PKIG: variants seen among roughly 807,000 people sequenced by gnomAD.
The protein encoded by PKIG is cAMP-dependent protein kinase inhibitor gamma.
In PKIG, 1 loss-of-function variant was observed where a neutral mutation model predicts 6.8. The observed-to-expected ratio is 0.15, with a 90% CI of 0.05 to 0.69. The LOEUF (loss-of-function observed/expected upper bound fraction) is 0.69, where lower values mean the gene tolerates loss of function less well. Ranked by LOEUF, PKIG falls within the 30% of genes least tolerant of loss-of-function variation. PKIG has a pLI of 0.82. For synonymous variants in PKIG, 39 were observed against 43.0 expected, an observed-to-expected ratio of 0.91 and a Z score of 0.36; for missense variants, 77 against 104.0, an observed-to-expected ratio of 0.74 and a Z score of 1.13.
intron 2 of PKIG, among the ~76,000 whole-genome samples, chr20:44,605,577 A>G (rs899456108): frequency 2.6e-5 from 4 of 152,052 alleles, no homozygotes; most frequent in Non-Finnish European, 5.9e-5. Flanking sequence ...TATTACAGAT[A>G]AATTCTAGAT....
intron 2 of PKIG, among the ~76,000 whole-genome samples, chr20:44,613,846 C>G (rs1213468339): frequency 6.6e-6 from 1 of 152,178 alleles, no homozygotes; most frequent in African/African-American, 2.4e-5. Flanking sequence ...GAACCAAGTT[C>G]CAGATGTGGT....
At chr20:44,550,933 G>C (rs1162928506) in intron 1 of PKIG, among the ~76,000 whole-genome samples, 2 of 152,050 alleles carry the variant, frequency 1.3e-5, no homozygotes, top group East Asian at 3.9e-4. Context: ...CAAAAACCTA[G>C]CCCAAACAAT....
At chr20:44,606,562 A>T (rs1184928870) in intron 2 of PKIG, among the ~76,000 whole-genome samples, 1 of 152,096 alleles carries the variant, frequency 6.6e-6, no homozygotes, top group Non-Finnish European at 1.5e-5. Context: ...TAATCTCAGC[A>T]CTTTGGGAGG....
intron 2 of PKIG, among the ~76,000 whole-genome samples, chr20:44,611,788 GGATTACAGGTGTGA>G (rs1261540234): frequency 6.6e-6 from 1 of 151,936 alleles, no homozygotes; most frequent in Admixed American, 6.6e-5. Flanking sequence ...CAAAGTACTG[GGATTACAGGTGTGA>G]GCCACTGTGC....
chr20:44,545,081 G>A (rs1339022461), intron 1 of PKIG, among the ~76,000 whole-genome samples: 4 of 151,416 alleles, frequency 2.6e-5, no homozygotes, highest in Non-Finnish European at 4.4e-5. Context: ...GATTACAGGC[G>A]TGCCCCACCA....
rs965404375 is a variant in PKIG, at chr20:44,618,847, C to T, written c.*483C>T. On this transcript the variant is annotated 3_prime_UTR_variant, in exon 4 of 4. Transcript: ENST00000372886. ...TTTCAGCAGATATGGAGAGAGCTGA[C>T]AATCAATTCACATTTTTTAAGCCAT... 1 of 158,054 alleles carries T rather than the reference C, an allele frequency of 6.3e-6. No individual in the cohort carries two copies. The highest frequency in any genetic ancestry group is 1.4e-5 in the Non-Finnish European group (1 of 71,138). The allele number at this position is 158,054 out of a possible 1,614,324, so 9.8% of individuals were successfully genotyped here. A position where few individuals can be genotyped will look rare whatever the true frequency, so the allele number is the denominator to read the frequency against.
chr20:44,536,295 G>C (rs1210726724), intron 1 of PKIG, among the ~76,000 whole-genome samples: 2 of 152,160 alleles, frequency 1.3e-5, no homozygotes, highest in East Asian at 3.9e-4. Flanking sequence ...AAGGTAAGCT[G>C]TTTATGAGAT....
chr20:44,601,460 C>G (rs2065120994), intron 2 of PKIG, among the ~76,000 whole-genome samples: 1 of 152,260 alleles, frequency 6.6e-6, no homozygotes, highest in South Asian at 2.1e-4. Context: ...GAACCGGCAG[C>G]CCTCCCTTTT....
rs563159704 is a variant in PKIG at position 44,568,181 on chromosome 20, C to T, written c.-240-14404C>T. 2.0e-5 allele frequency among the ~76,000 whole-genome samples: 3 copies of T among 152,218 alleles called. No individual in the cohort carries two copies. In the South Asian group the frequency reaches 6.2e-4, roughly 32 times the overall value. ...ATAACTCTGATATAAATGTCTCTCT[C>T]ATTTATAAGTCAGTGTATGCACATT... On this transcript the variant is annotated intron_variant, in intron 1 of 4. Transcript: ENST00000372887.
intron 1 of PKIG, among the ~76,000 whole-genome samples, chr20:44,576,168 T>C (rs1326593121): frequency 6.8e-6 from 1 of 147,242 alleles, no homozygotes; most frequent in African/African-American, 2.5e-5. Context: ...AGTGTGTGTG[T>C]GTGTGTGTGT....
At chr20:44,567,971 C>A (rs1004390299) in intron 1 of PKIG, among the ~76,000 whole-genome samples, 1 of 152,082 alleles carries the variant, frequency 6.6e-6, no homozygotes, top group African/African-American at 2.4e-5. Context: ...CATGGTGAAC[C>A]CCCGTCTCAC....
chr20:44,541,713 G>C (rs1317654060), intron 1 of PKIG, among the ~76,000 whole-genome samples: 2 of 137,632 alleles, frequency 1.5e-5, no homozygotes, highest in African/African-American at 5.5e-5. Flanking sequence ...TTTTTTTTGA[G>C]ACGGGGTTTT....
At chr20:44,563,603 C>T (rs1449804401) in intron 1 of PKIG, among the ~76,000 whole-genome samples, 1 of 152,196 alleles carries the variant, frequency 6.6e-6, no homozygotes, top group Admixed American at 6.5e-5. Flanking sequence ...AATCATAGCT[C>T]ATTGTAGCCT....
At chr20:44,551,102 G>A (rs910800888) in intron 1 of PKIG, among the ~76,000 whole-genome samples, 4 of 151,632 alleles carry the variant, frequency 2.6e-5, no homozygotes, top group Admixed American at 6.6e-5. Context: ...TTGCTCTGTC[G>A]CCCAGGCTGG....
At chr20:44,553,529 ATTAGATCAGCAAAATGGTGAAGGAAGCT>A (rs2064687027) in intron 1 of PKIG, among the ~76,000 whole-genome samples, 1 of 152,184 alleles carries the variant, frequency 6.6e-6, no homozygotes, top group Admixed American at 6.5e-5. Flanking sequence ...CAGACAGCAC[ATTAGATCAGCAAAATGGTGAAGGAAGCT>A]TTATAGATCA....
chr20:44,587,852 C>G (rs2065002926), intron 1 of PKIG, among the ~76,000 whole-genome samples: 1 of 152,174 alleles, frequency 6.6e-6, no homozygotes, highest in South Asian at 2.1e-4. Flanking sequence ...GGGCTCCAAT[C>G]ACTACTATCT....
intron 1 of PKIG, among the ~76,000 whole-genome samples, chr20:44,548,741 C>A (rs2064639358): frequency 1.3e-5 from 2 of 151,990 alleles, no homozygotes; most frequent in African/African-American, 4.8e-5. Flanking sequence ...TTCCTAAAGC[C>A]AGAATTTCTT....
At position 44,610,637 on chromosome 20, in the gene PKIG, C is replaced by A. The variant is rs570899635; in HGVS notation, c.-23-3897C>A. 2.0e-5 allele frequency among the ~76,000 whole-genome samples: 3 copies of A among 152,250 alleles called. No homozygotes were observed. In the South Asian group the frequency reaches 6.2e-4, roughly 32 times the overall value. Reference sequence around the variant, plus strand: ...ACAATAATTTGGGTTTATAAAACTTCAACCATTGAAAAAATATAGACTTAG... The same window carrying A: ...ACAATAATTTGGGTTTATAAAACTTAAACCATTGAAAAAATATAGACTTAG... On this transcript the variant is annotated intron_variant, in intron 2 of 3. Coordinates refer to ENST00000372886, the MANE Select transcript of PKIG (RefSeq NM_001281445.2).
At chr20:44,595,143 T>C (rs2065064639) in intron 2 of PKIG, among the ~76,000 whole-genome samples, 1 of 152,232 alleles carries the variant, frequency 6.6e-6, no homozygotes, top group Non-Finnish European at 1.5e-5. Context: ...GGTTATGTGA[T>C]GTCTAGAGCT....
Sources: gnomAD v4.1 joint callset for allele counts (sites outside exome capture counted in the v4.1 genomes callset) on GRCh38, gnomAD v4.1.1 for gene constraint, MANE v1.5 for transcripts, NCBI Gene and HGNC (gene_info 2026-07-23, HGNC 2026-07-21) for gene names.